Variants in RALGAPB observed in about 807,000 individuals in gnomAD.
RALGAPB encodes Ral GTPase activating protein non-catalytic subunit beta, also known as ral GTPase-activating protein subunit beta.
Under a neutral mutation model 161.1 loss-of-function variants are expected in RALGAPB, and 25 were observed. The observed-to-expected ratio is 0.16, with a 90% CI of 0.11 to 0.22. The LOEUF is 0.22. Ranked by LOEUF, RALGAPB falls within the 10% of genes least tolerant of loss-of-function variation. RALGAPB has a pLI of 1.00. For missense variants in RALGAPB, 1,391 were observed against 1,815.2 expected, an observed-to-expected ratio of 0.77 and a Z score of 4.25; for synonymous variants, 629 against 626.1, an observed-to-expected ratio of 1.00 and a Z score of -0.07.
intron 23 of RALGAPB, among the ~76,000 whole-genome samples, chr20:38,560,609 T>G (rs1026172925): frequency 6.6e-6 from 1 of 152,186 alleles, no homozygotes; most frequent in Admixed American, 6.5e-5. Context: ...GGATCTGTTT[T>G]GCAGCAAATC....
Position 38,517,876 on chromosome 20 carries a change from ACTGC to A in RALGAPB, c.1299_1302del (p.Ala434LeufsTer10). On this transcript the variant is annotated frameshift_variant, in exon 9 of 30. Transcript: ENST00000262879. LOFTEE classifies it high-confidence loss of function. ...ATCAGACTAGTTCAGAACCCCGGCC[ACTGC>A]CTGCCCCTCGGAGACCAAAGGTTAA... is the stretch of plus-strand genomic sequence containing the variant. The A allele has an allele frequency of 1.2e-6, 2 of 1,613,820 alleles. No homozygotes were observed. The highest frequency in any genetic ancestry group is 1.7e-6 in the Non-Finnish European group (2 of 1,179,744).
intron 1 of RALGAPB, among the ~76,000 whole-genome samples, chr20:38,473,425 C>T (rs1388928589): frequency 1.3e-5 from 2 of 152,190 alleles, no homozygotes; most frequent in African/African-American, 4.8e-5. Flanking sequence ...TTGCTGCCGC[C>T]CAGTGGGGAC....
chr20:38,508,846 A>ATG (rs981743299), intron 5 of RALGAPB, among the ~76,000 whole-genome samples: 3 of 152,184 alleles, frequency 2.0e-5, no homozygotes, highest in African/African-American at 7.2e-5. Context: ...ATATATATAT[A>ATG]AAAAATGTGT....
chr20:38,505,913 G>A (rs960823358), intron 5 of RALGAPB, among the ~76,000 whole-genome samples: 6 of 151,972 alleles, frequency 3.9e-5, no homozygotes, highest in African/African-American at 1.5e-4. Context: ...CTTTAATACC[G>A]GTTAGCTAGT....
At chr20:38,532,508 G>C (rs559129100) in intron 14 of RALGAPB, among the ~76,000 whole-genome samples, 3 of 152,308 alleles carry the variant, frequency 2.0e-5, no homozygotes, top group Admixed American at 2.0e-4. Context: ...GAAGACCCCA[G>C]TATGGGCACT....
chr20:38,498,834 A>G (rs948603919), intron 4 of RALGAPB, among the ~76,000 whole-genome samples: 4 of 151,988 alleles, frequency 2.6e-5, no homozygotes, highest in South Asian at 2.1e-4. Context: ...TTGCTCCATT[A>G]TTTGTCTCTC....
rs546619676 is a variant in RALGAPB at position 38,487,678 on chromosome 20, A to G, written c.-30-725A>G. 6.7e-4 allele frequency among the ~76,000 whole-genome samples: 102 copies of G among 152,336 alleles called. 1 individual carries two copies. The highest frequency in any genetic ancestry group is 6.5e-3 in the Admixed American group (100 of 15,304). On this transcript the variant is annotated intron_variant, in intron 1 of 29. Coordinates refer to ENST00000262879, the MANE Select transcript of RALGAPB (RefSeq NM_020336.4). ...TCCAGATGAATATACAAGTTAAGTG[A>G]AAAATTATGCAATTATCTTGCAGGA...
chr20:38,473,224 C>G lies in RALGAPB; in HGVS notation c.-31+155C>G, dbSNP rs2084702434. Among the ~76,000 whole-genome samples the G allele has an allele frequency of 2.0e-5, 3 of 152,280 alleles. No homozygotes were observed. The South Asian group carries it at 6.2e-4, about 32-fold the overall frequency. ...AGCTCATCTGCAAATTTTTGGGAGA[C>G]CCACGGGGGCGGGGAAAGCTTGGCC... On this transcript the variant is annotated intron_variant, in intron 1 of 29. Transcript: ENST00000262879.
Position 38,562,521 on chromosome 20 carries a change from A to G in RALGAPB, c.3532-11A>G, listed in dbSNP as rs180992508. 2.5e-6 allele frequency: 4 copies of G among 1,575,864 alleles called. No homozygotes were observed. In the East Asian group the frequency reaches 6.8e-5, roughly 27 times the overall value. ...TCCTTCATTATAGCTGATGATTGGTATGTATTTCAGATTTTAAAGAATGTG... is the reference window on the plus strand; with the variant it reads ...TCCTTCATTATAGCTGATGATTGGTGTGTATTTCAGATTTTAAAGAATGTG... On this transcript the variant is annotated splice_polypyrimidine_tract_variant and intron_variant, in intron 23 of 29. Coordinates refer to ENST00000262879, the MANE Select transcript of RALGAPB (RefSeq NM_020336.4).
At chr20:38,564,961 GTCTC>G (rs148681791) in intron 24 of RALGAPB, among the ~76,000 whole-genome samples, 17 of 130,874 alleles carry the variant, frequency 1.3e-4, no homozygotes, top group African/African-American at 2.0e-4. Context: ...CTCTCTCTCT[GTCTC>G]TCTCTCTCTC....
chr20:38,557,295 C>A (rs2087617999), intron 22 of RALGAPB, among the ~76,000 whole-genome samples: 1 of 152,116 alleles, frequency 6.6e-6, no homozygotes, highest in Non-Finnish European at 1.5e-5. Context: ...GCCCAGTTTC[C>A]CCTGTTATCA....
intron 23 of RALGAPB, among the ~76,000 whole-genome samples, chr20:38,561,772 G>T (rs2087794227): frequency 6.6e-6 from 1 of 152,162 alleles, no homozygotes; most frequent in Non-Finnish European, 1.5e-5. Flanking sequence ...GGGCTATCCT[G>T]TGTATTTTAG....
chr20:38,516,346 A>T lies in RALGAPB; in HGVS notation c.1027A>T (p.Ser343Cys). The change falls in exon 7 of 30, where the codon AGC becomes TGC. Residue 343 changes from serine (S) to cysteine (C), a missense_variant. By Grantham distance (112) the Ser-to-Cys change is moderately radical. Coordinates refer to ENST00000262879, the MANE Select transcript of RALGAPB (RefSeq NM_020336.4). ...ATTTTTTCGTGCCATGCGTGGAATCAGCTGTCTGGTGGATGCATTCTTAGG... is the reference window on the plus strand; with the variant it reads ...ATTTTTTCGTGCCATGCGTGGAATCTGCTGTCTGGTGGATGCATTCTTAGG... Reference protein sequence around the residue: ...QIFFRAMRGISCLVDAFLGIS... With the variant: ...QIFFRAMRGICCLVDAFLGIS... The T allele has an allele frequency of 6.2e-7, 1 of 1,613,930 alleles. No homozygotes were observed. Among genetic ancestry groups the T allele is most frequent in the East Asian group, 2.2e-5 (1 of 44,880 alleles).
At chr20:38,562,251 A>G (rs983000815) in intron 23 of RALGAPB, among the ~76,000 whole-genome samples, 4 of 152,218 alleles carry the variant, frequency 2.6e-5, no homozygotes, top group African/African-American at 7.2e-5. Flanking sequence ...AAGAGAGCTC[A>G]GGGCTTTTCT....
At chr20:38,574,662 A>C in intron 29 of RALGAPB, 112 bp from the exon 30 acceptor site, 1 of 1,114,702 alleles carries the variant, frequency 9.0e-7, no homozygotes, top group Non-Finnish European at 1.3e-6. Context: ...GAAGTTTGCA[A>C]ATTGAATGAA....
Position 38,574,177 on chromosome 20 carries a change from T to A in RALGAPB, c.4170T>A (p.Pro1390=), listed in dbSNP as rs368775979. 10 of 1,607,092 alleles carry A rather than the reference T, an allele frequency of 6.2e-6. No homozygotes were observed. The African/African-American group carries it at 1.2e-4, about 19-fold the overall frequency. ...CTACAACTCTTGAAAAAGAAGTTCCTGTCATCTTCATCCACCCTTTAAACA... is the reference window on the plus strand; with the variant it reads ...CTACAACTCTTGAAAAAGAAGTTCCAGTCATCTTCATCCACCCTTTAAACA... ...LRSTTLEKEV[P]VIFIHPLNTG... is the part of the protein sequence containing the mutation. Residue 1390 remains proline, a synonymous_variant, in exon 29 of 30, where the codon CCT becomes CCA. Transcript: ENST00000262879.
At chr20:38,485,807 T>G (rs569775569) in intron 1 of RALGAPB, among the ~76,000 whole-genome samples, 1 of 152,324 alleles carries the variant, frequency 6.6e-6, no homozygotes, top group South Asian at 2.1e-4. Flanking sequence ...TTTCTAATGT[T>G]TATGTTCTCT....
At chr20:38,487,443 A>G (rs2085149950) in intron 1 of RALGAPB, among the ~76,000 whole-genome samples, 1 of 152,336 alleles carries the variant, frequency 6.6e-6, no homozygotes, top group South Asian at 2.1e-4. Context: ...AACTTAAATC[A>G]TTATGGGTTG....
In RALGAPB at chr20:38,551,217, T is replaced by C; in HGVS notation, c.3156T>C (p.Thr1052=). The C allele has an allele frequency of 6.2e-7, 1 of 1,613,592 alleles. No homozygotes were observed. Among genetic ancestry groups the C allele is most frequent in the Non-Finnish European group, 8.5e-7 (1 of 1,179,600 alleles). ...LSIPDLHEIV[T]EELEERHEKL... ...TTCCAGATTTGCATGAAATAGTCAC[T>C]GAAGAAGTAAGTACATTATTTTTAG... is the stretch of plus-strand genomic sequence containing the variant. The change falls in exon 21 of 30, where the codon ACT becomes ACC. Residue 1052 remains threonine (T), a synonymous_variant. Transcript: ENST00000262879.
Sources: gnomAD v4.1 joint callset for allele counts (sites outside exome capture counted in the v4.1 genomes callset) on GRCh38, gnomAD v4.1.1 for gene constraint, MANE v1.5 for transcripts, NCBI Gene and HGNC (gene_info 2026-07-23, HGNC 2026-07-21) for gene names.